VAV2: variants seen among roughly 807,000 people sequenced by gnomAD.
VAV2 encodes guanine nucleotide exchange factor VAV2.
Under a neutral mutation model 132.5 loss-of-function variants are expected in VAV2, and 67 were observed. The observed-to-expected ratio is 0.51, with a 90% CI of 0.42 to 0.62. VAV2 has a LOEUF of 0.62. VAV2 is among the 20% of genes least tolerant of loss of function. The pLI, the probability that VAV2 is intolerant of heterozygous loss-of-function variation, is 0.00. For synonymous variants in VAV2, 492 were observed against 443.5 expected (o/e 1.11, Z -1.37); for missense variants, 938 against 1,153.6 (o/e 0.81, Z 2.71).
chr9:133,818,176 A>G (rs2131722950), intron 4 of VAV2, among the ~76,000 whole-genome samples: 1 of 152,176 alleles, frequency 6.6e-6, no homozygotes. Flanking sequence ...CATCCTGTCT[A>G]ACATGATGAA....
At chr9:133,958,363 G>C (rs7388707) in intron 1 of VAV2, among the ~76,000 whole-genome samples, 36,682 of 134,494 alleles carry the variant, frequency 0.27, 5,682 homozygotes, top group Non-Finnish European at 0.37. Context: ...TAGGGCTGGA[G>C]GTGGGACCTG....
intron 2 of VAV2, among the ~76,000 whole-genome samples, chr9:133,864,580 T>A (rs989613924): frequency 1.4e-4 from 21 of 152,280 alleles, no homozygotes; most frequent in South Asian, 4.1e-4. Context: ...CACAACCTTT[T>A]AAAGGCGGCA....
At chr9:133,989,858 C>T (rs1043817395) in intron 1 of VAV2, among the ~76,000 whole-genome samples, 5 of 152,256 alleles carry the variant, frequency 3.3e-5, no homozygotes, top group African/African-American at 9.6e-5. Context: ...CATCTGCAGC[C>T]GTCCCCGTGC....
chr9:133,777,515 G>A (rs1438843668), intron 22 of VAV2, 52 bp from the exon 23 acceptor site: 3 of 1,560,832 alleles, frequency 1.9e-6, no homozygotes, highest in South Asian at 2.2e-5. Flanking sequence ...TGGCCTATGG[G>A]AGTGTGGGGC....
rs1834263714 is a variant in VAV2, at chr9:133,787,247, A to G, written c.1421T>C (p.Met474Thr). ...AGGACCTGGGCGCTAGGTGCTTACCATTTTCCCGTGAGACTAGGAAGCATG... is the reference window on the plus strand; with the variant it reads ...AGGACCTGGGCGCTAGGTGCTTACCGTTTTCCCGTGAGACTAGGAAGCATG... The part of the protein sequence containing the change: ...NKDVKKSHGK[M>T]WSYGFYLIHL... The change falls in exon 16 of 30, where the codon ATG becomes ACG. Residue 474 changes from methionine to threonine, a missense_variant and splice_region_variant. Transcript: ENST00000371850. The G allele has an allele frequency of 6.3e-7, 1 of 1,585,140 alleles. No individual in the cohort carries two copies. Among genetic ancestry groups the G allele is most frequent in the African/African-American group, 1.4e-5 (1 of 74,012 alleles).
chr9:133,930,382 C>CTGCCTCCTGGCCTCCACCT (rs1554811265), intron 2 of VAV2, among the ~76,000 whole-genome samples: 2 of 6,376 alleles, frequency 3.1e-4, no homozygotes, highest in East Asian at 0.048. Flanking sequence ...TGCCTCCTTG[C>CTGCCTCCTGGCCTCCACCT]TGCCTCCTGG....
At chr9:133,948,992 C>T (rs922646566) in intron 1 of VAV2, among the ~76,000 whole-genome samples, 4 of 152,140 alleles carry the variant, frequency 2.6e-5, no homozygotes, top group Admixed American at 2.0e-4. Flanking sequence ...GGGAGGGTCC[C>T]GGCTGGCTTG....
At chr9:133,764,907 A>G (rs1201294537) in intron 29 of VAV2, among the ~76,000 whole-genome samples, 5 of 152,246 alleles carry the variant, frequency 3.3e-5, no homozygotes, top group Non-Finnish European at 5.9e-5. Flanking sequence ...GTTCAAAAAA[A>G]TCTCTGCAAA....
intron 1 of VAV2, among the ~76,000 whole-genome samples, chr9:133,947,640 A>G (rs1360138488): frequency 2.0e-5 from 3 of 149,668 alleles, no homozygotes; most frequent in African/African-American, 7.3e-5. Context: ...TGGAGGTTGC[A>G]GTGAGCCGAG....
intron 27 of VAV2, 79 bp downstream of exon 27, chr9:133,770,299 C>G: frequency 6.3e-7 from 1 of 1,593,022 alleles, no homozygotes; most frequent in African/African-American, 1.3e-5. Flanking sequence ...TCTGTGAGGG[C>G]AGGATCTGAG....
In VAV2 at chr9:133,928,060, T is replaced by C. The variant is rs1840540791; in HGVS notation, c.321+11043A>G. On this transcript the variant is annotated intron_variant, in intron 2 of 29. Transcript: ENST00000371850. The surrounding 1 kb of genome is among the most constrained non-coding windows in gnomAD (Gnocchi z 5.4). ...TGAACCACCCTCCACCCTTGTCCAGTGTGAAGTTAATGACGGGCATGGCTC... is the reference window on the plus strand; with the variant it reads ...TGAACCACCCTCCACCCTTGTCCAGCGTGAAGTTAATGACGGGCATGGCTC... Among the ~76,000 whole-genome samples, 1 of 151,924 alleles carries C rather than the reference T, an allele frequency of 6.6e-6. No homozygotes were observed.
chr9:133,923,691 T>C (rs192468220), intron 2 of VAV2, among the ~76,000 whole-genome samples: 40 of 152,272 alleles, frequency 2.6e-4, no homozygotes, highest in Admixed American at 2.6e-3. Flanking sequence ...CACATGCACA[T>C]GTATATTTAT....
Position 133,918,836 on chromosome 9 carries a change from T to G in VAV2, c.321+20267A>C, listed in dbSNP as rs1840196448. On this transcript the variant is annotated intron_variant, in intron 2 of 29. Transcript: ENST00000371850. This position sits in a 1 kb window ranked among gnomAD's most constrained non-coding sequence, Gnocchi z 4.7. ...TGTCGCCCAGGCTGAAGTGCAGTGG[T>G]GCGATCTCGGCTCACTGCAACCTCC... Among the ~76,000 whole-genome samples, 1 of 152,000 alleles carries G rather than the reference T, an allele frequency of 6.6e-6. No individual in the cohort carries two copies. The highest frequency in any genetic ancestry group is 1.5e-5 in the Non-Finnish European group (1 of 67,998).
chr9:133,887,810 C>T (rs1446593729), intron 2 of VAV2, among the ~76,000 whole-genome samples: 1 of 151,996 alleles, frequency 6.6e-6, no homozygotes, highest in Admixed American at 6.5e-5. Context: ...GCCCCCCACC[C>T]AGGGGCTGCT....
chr9:133,796,253 T>C (rs1489549016), intron 11 of VAV2, among the ~76,000 whole-genome samples, 176 bp downstream of exon 11: 1 of 152,248 alleles, frequency 6.6e-6, no homozygotes, highest in East Asian at 1.9e-4. Context: ...GTGTATTTAC[T>C]GTGATAATCG....
At chr9:133,940,672 C>CGCGTGTGTGTGT (rs71503365) in intron 1 of VAV2, among the ~76,000 whole-genome samples, 3 of 139,240 alleles carry the variant, frequency 2.2e-5, no homozygotes, top group African/African-American at 7.7e-5. Context: ...TGTCCACGTG[C>CGCGTGTGTGTGT]GTGTGTGTGT....
intron 2 of VAV2, among the ~76,000 whole-genome samples, chr9:133,875,833 G>T (rs1225660630): frequency 6.6e-6 from 1 of 152,248 alleles, no homozygotes; most frequent in Non-Finnish European, 1.5e-5. Flanking sequence ...CATTACCTCC[G>T]GAGTGGCTGG....
At chr9:133,988,376 T>TG (rs1420648756) in intron 1 of VAV2, among the ~76,000 whole-genome samples, 1 of 152,144 alleles carries the variant, frequency 6.6e-6, no homozygotes, top group Non-Finnish European at 1.5e-5. Context: ...TAAACAGTCC[T>TG]GGGAGGGAGA....
chr9:133,957,903 C>G (rs1433386560), intron 1 of VAV2, among the ~76,000 whole-genome samples: 2 of 151,038 alleles, frequency 1.3e-5, no homozygotes, highest in Non-Finnish European at 3.0e-5. Flanking sequence ...GTGACCTTAC[C>G]CCCAACCCCG....
Sources: gnomAD v4.1 joint callset for allele counts (sites outside exome capture counted in the v4.1 genomes callset) on GRCh38, gnomAD v4.1.1 for gene constraint, Gnocchi (gnomAD v3.1) non-coding constraint, MANE v1.5 for transcripts, NCBI Gene and HGNC (gene_info 2026-07-23, HGNC 2026-07-21) for gene names.